The following MTCL1 variants were observed in gnomAD, a reference collection of about 807,000 sequenced individuals.
MTCL1 encodes microtubule crosslinking factor 1, also known as microtubule cross-linking factor 1.
In MTCL1, 79 loss-of-function variants were observed where a neutral mutation model predicts 141.4. The observed-to-expected ratio is 0.56, with a 90% CI of 0.47 to 0.67. The LOEUF (loss-of-function observed/expected upper bound fraction) is 0.67, where lower values mean the gene tolerates loss of function less well. Among genes scored for constraint, MTCL1 ranks in the 30% least tolerant of loss-of-function variants. The pLI, the probability that MTCL1 is intolerant of heterozygous loss-of-function variation, is 0.00. For synonymous variants in MTCL1, 914 were observed against 875.8 expected, an observed-to-expected ratio of 1.04 and a Z score of -0.77; for missense variants, 2,177 against 2,113.9, an observed-to-expected ratio of 1.03 and a Z score of -0.59.
chr18:8,766,926 A>G (rs995162924), intron 4 of MTCL1, among the ~76,000 whole-genome samples: 5 of 152,068 alleles, frequency 3.3e-5, no homozygotes, highest in Non-Finnish European at 7.4e-5. Flanking sequence ...TGGCTGACCC[A>G]CCTCAAAGAC....
At chr18:8,803,159 TA>T (rs34017267) in intron 10 of MTCL1, among the ~76,000 whole-genome samples, 97,190 of 145,262 alleles carry the variant, frequency 0.67, 32,428 homozygotes, top group Admixed American at 0.75. Flanking sequence ...AGGTAAAGTT[TA>T]AAAAAAAAAA....
Position 8,830,590 on chromosome 18 carries a change from A to C in MTCL1, c.*19-1017A>C. ...ATCCTGGTCTTTTCAGTTGCTTGTCACATCTTTTTAAATCCTCCAACTCAC... is the reference window on the plus strand; with the variant it reads ...ATCCTGGTCTTTTCAGTTGCTTGTCCCATCTTTTTAAATCCTCCAACTCAC... On this transcript the variant is annotated intron_variant, in intron 16 of 16. Coordinates refer to ENST00000359865, the Ensembl canonical transcript of MTCL1. This position sits in a 1 kb window ranked among gnomAD's most constrained non-coding sequence, Gnocchi z 6.4. 1.0e-6 allele frequency: 1 copy of C among 985,812 alleles called. No homozygotes were observed. The highest frequency in any genetic ancestry group is 1.2e-6 in the Non-Finnish European group (1 of 830,302). 61.1% of individuals were successfully genotyped at this position (985,812 alleles called of 1,614,324 possible).
At chr18:8,772,129 A>G (rs563593357) in intron 4 of MTCL1, among the ~76,000 whole-genome samples, 3 of 152,380 alleles carry the variant, frequency 2.0e-5, no homozygotes, top group East Asian at 1.9e-4. Flanking sequence ...ATTGTTCCTC[A>G]TGACTGCTTG....
rs1406538889 is a variant in MTCL1 at position 8,705,664 on chromosome 18, G to A, written c.4G>A (p.Glu2Lys). The A allele has an allele frequency of 8.3e-7, 1 of 1,205,450 alleles. No individual in the cohort carries two copies. The highest frequency in any genetic ancestry group is 1.0e-6 in the Non-Finnish European group (1 of 972,188). The allele number at this position is 1,205,450 out of a possible 1,614,324, so 74.7% of individuals were successfully genotyped here. Residue 2 changes from glutamate (E) to lysine (K), a missense_variant, in exon 1 of 14, where the codon GAG (glutamate) becomes AAG (lysine). Glu to Lys is a moderately conservative substitution (Grantham distance 56, BLOSUM62 1). Transcript: ENST00000306329. This position sits in a 1 kb window ranked among gnomAD's most constrained non-coding sequence, Gnocchi z 5.2. ...GCTGCTGCCGGCGGACCCGGCCATG[G>A]AGACACTGAACGGCCCCGCGGGCGG...
In MTCL1 at chr18:8,825,979, G is replaced by A. The variant is rs570299046; in HGVS notation, c.4469G>A (p.Arg1490Gln). Residue 1490 changes from arginine to glutamine, a missense_variant, in exon 15 of 17, where the codon CGA (arginine) becomes CAA (glutamine). By Grantham distance (43) the Arg-to-Gln change is conservative (BLOSUM62 1). Transcript: ENST00000359865. ...GGCCAGGAAACAGGCACCAATTCCC[G>A]AGGAAGGTCGCCTAGCCCCATTGGG... 37 of 1,598,178 alleles carry A rather than the reference G, an allele frequency of 2.3e-5. No homozygotes were observed. Among genetic ancestry groups the A allele is most frequent in the Middle Eastern group, 3.3e-4 (2 of 6,010 alleles).
At chr18:8,742,350 A>T (rs952640834) in intron 4 of MTCL1, among the ~76,000 whole-genome samples, 1 of 152,086 alleles carries the variant, frequency 6.6e-6, no homozygotes, top group African/African-American at 2.4e-5. Flanking sequence ...GCTAATAAAG[A>T]CGCACCTGAG....
intron 7 of MTCL1, 45 bp from the exon 7 acceptor site, chr18:8,792,951 CAG>C: frequency 6.2e-7 from 1 of 1,607,272 alleles, no homozygotes; most frequent in Non-Finnish European, 8.5e-7. Flanking sequence ...TCACCTCAGG[CAG>C]AGTTCTCATT....
In MTCL1 at chr18:8,783,720, G is replaced by T. The variant is rs747425095; in HGVS notation, c.608G>T (p.Arg203Leu). The T allele has an allele frequency of 3.7e-6, 6 of 1,607,032 alleles. No individual in the cohort carries two copies. The South Asian group carries it at 4.4e-5, about 12-fold the overall frequency. ...GAAGCAGGCGGGCCCCCCAGCACCCGGGAGGCCGAGCTGAAGCTGCGGCTA... is the reference window on the plus strand; with the variant it reads ...GAAGCAGGCGGGCCCCCCAGCACCCTGGAGGCCGAGCTGAAGCTGCGGCTA... Residue 203 changes from arginine (R) to leucine (L), a missense_variant, in exon 6 of 17, where the codon CGG becomes CTG. Physicochemically the swap from Arg to Leu is moderately radical, Grantham distance 102. Transcript: ENST00000359865.
chr18:8,815,732 G>A (rs915627639), intron 12 of MTCL1, among the ~76,000 whole-genome samples: 1 of 151,692 alleles, frequency 6.6e-6, no homozygotes, highest in Non-Finnish European at 1.5e-5. Flanking sequence ...ATAGTGGTCA[G>A]GAGCTGACCT....
At chr18:8,737,053 TGACTCCAGAA>T (rs1282044342) in intron 4 of MTCL1, among the ~76,000 whole-genome samples, 9 of 152,300 alleles carry the variant, frequency 5.9e-5, no homozygotes, top group East Asian at 3.9e-4. Context: ...CTGCTATGTC[TGACTCCAGAA>T]GACTCCAGAA....
At chr18:8,763,988 G>A (rs149444904) in intron 4 of MTCL1, among the ~76,000 whole-genome samples, 1 of 152,024 alleles carries the variant, frequency 6.6e-6, no homozygotes, top group Non-Finnish European at 1.5e-5. Context: ...TGAAGTTAGG[G>A]TTCTAAATTC....
chr18:8,827,414 G>T (rs1358424969), intron 15 of MTCL1, among the ~76,000 whole-genome samples: 1 of 152,246 alleles, frequency 6.6e-6, no homozygotes, highest in East Asian at 1.9e-4. Context: ...ACTGCCAATG[G>T]CTTACAGAAG....
At chr18:8,763,080 C>T (rs1242528425) in intron 4 of MTCL1, among the ~76,000 whole-genome samples, 3 of 152,200 alleles carry the variant, frequency 2.0e-5, no homozygotes, top group Admixed American at 1.3e-4. Context: ...TTCTTCTCCC[C>T]CCAACCAAGC....
intron 4 of MTCL1, among the ~76,000 whole-genome samples, chr18:8,771,391 A>T (rs1288764376): frequency 6.6e-6 from 1 of 152,178 alleles, no homozygotes; most frequent in East Asian, 1.9e-4. Context: ...TGTCTTATAA[A>T]CTACCCCCCA....
At chr18:8,794,491 G>A (rs1023156422) in intron 8 of MTCL1, among the ~76,000 whole-genome samples, 11 of 152,208 alleles carry the variant, frequency 7.2e-5, no homozygotes, top group Non-Finnish European at 1.2e-4. Flanking sequence ...GGGCCTAGGC[G>A]CGGTGCTGCT....
exon 17 of MTCL1, chr18:8,831,805 A>G: frequency 6.5e-7 from 1 of 1,550,232 alleles, no homozygotes; most frequent in Non-Finnish European, 8.7e-7. Flanking sequence ...CCGAGATGCA[A>G]GCTTGCATGG....
rs1208584907 is a variant in MTCL1, at chr18:8,793,132, A to G, written c.2010+12A>G. 1.2e-6 allele frequency: 2 copies of G among 1,612,808 alleles called. No homozygotes were observed. Among genetic ancestry groups the G allele is most frequent in the Non-Finnish European group, 1.7e-6 (2 of 1,179,272 alleles). ...ACAAGATCCATAAGGTAAATATTTA[A>G]CACGGACTCAGCACAACCGCTTTGT... On this transcript the variant is annotated intron_variant, in intron 8 of 16. Coordinates refer to ENST00000359865, the Ensembl canonical transcript of MTCL1.
At chr18:8,755,720 A>G (rs1308406023) in intron 4 of MTCL1, among the ~76,000 whole-genome samples, 2 of 152,366 alleles carry the variant, frequency 1.3e-5, no homozygotes, top group African/African-American at 2.4e-5. Flanking sequence ...AGTCCAATCA[A>G]GTCAACAGAA....
At chr18:8,733,306 C>T (rs542723425) in intron 4 of MTCL1, among the ~76,000 whole-genome samples, 1 of 152,270 alleles carries the variant, frequency 6.6e-6, no homozygotes, top group South Asian at 2.1e-4. Context: ...CTGAAAAATC[C>T]TCCATGTATT....
Sources: allele counts gnomAD v4.1 joint callset (sites outside exome capture counted in the v4.1 genomes callset), GRCh38; gene constraint gnomAD v4.1.1; non-coding constraint Gnocchi (gnomAD v3.1); transcripts MANE v1.5; gene names NCBI Gene and HGNC (gene_info 2026-07-23, HGNC 2026-07-21).